UGT1A10: variants seen among roughly 807,000 people sequenced by gnomAD.
The protein encoded by UGT1A10 is UDP glucuronosyltransferase family 1 member A10.
In UGT1A10, 49 loss-of-function variants were observed where a neutral mutation model predicts 45.8. The ratio of observed to expected loss-of-function variants is 1.07; its 90% CI spans 0.85 to 1.36. The LOEUF is 1.36. UGT1A10 is among the 40% of genes most tolerant of loss of function. UGT1A10 has a pLI of 0.00. For missense variants in UGT1A10, 745 were observed against 668.6 expected, an observed-to-expected ratio of 1.11 and a Z score of -1.26; for synonymous variants, 284 against 249.7, an observed-to-expected ratio of 1.14 and a Z score of -1.29.
chr2:233,694,331 C>G (rs2075215181), intron 1 of UGT1A10, among the ~76,000 whole-genome samples: 1 of 151,490 alleles, frequency 6.6e-6, no homozygotes, highest in Non-Finnish European at 1.5e-5. Context: ...TATGTTGAGA[C>G]CTGTTTTTAT....
intron 1 of UGT1A10, among the ~76,000 whole-genome samples, chr2:233,646,575 A>T (rs1190879494): frequency 6.6e-6 from 1 of 152,208 alleles, no homozygotes; most frequent in Non-Finnish European, 1.5e-5. Flanking sequence ...TCTAAGGTTC[A>T]AAGTTCCACA....
intron 1 of UGT1A10, among the ~76,000 whole-genome samples, chr2:233,725,182 A>G (rs1185569328): frequency 3.4e-5 from 3 of 87,630 alleles, no homozygotes; most frequent in African/African-American, 2.7e-4. Flanking sequence ...CCGTGGGGAG[A>G]GGCAGAGGCA....
intron 1 of UGT1A10, chr2:233,690,989 C>G (rs2075024416): frequency 2.0e-6 from 2 of 994,596 alleles, no homozygotes; most frequent in Admixed American, 1.2e-4. Context: ...CACATATGAG[C>G]AACAGGATTT....
In UGT1A10 at chr2:233,767,833, T is replaced by C; in HGVS notation, c.988-16T>C. On this transcript the variant is annotated splice_polypyrimidine_tract_variant and intron_variant, in intron 2 of 4. Transcript: ENST00000344644. ...TATGTTCTTTCTTTACGTTCTGCTC[T>C]TTTTGCCCCTCCCAGGTCCTGTGGC... 2 of 1,614,174 alleles carry C rather than the reference T, an allele frequency of 1.2e-6. No homozygotes were observed. Among genetic ancestry groups the C allele is most frequent in the Non-Finnish European group, 1.7e-6 (2 of 1,180,036 alleles).
intron 1 of UGT1A10, among the ~76,000 whole-genome samples, chr2:233,712,452 G>C (rs1320297061): frequency 1.3e-5 from 2 of 152,216 alleles, no homozygotes; most frequent in African/African-American, 2.4e-5. Flanking sequence ...ACCAAAACCA[G>C]ATAGCCAGCC....
At position 233,728,984 on chromosome 2, in the gene UGT1A10, A is replaced by T. The variant is rs532880751; in HGVS notation, c.856-38050A>T. On this transcript the variant is annotated intron_variant, in intron 1 of 4. Transcript: ENST00000344644. ...AAACAGTGATAGATTAATGGTTAAT[A>T]ATTAACTAGAGGAGGGCACTCTGTC... 6.7e-5 allele frequency: 101 copies of T among 1,514,708 alleles called. 1 individual carries two copies. The South Asian group carries it at 1.2e-3, about 19-fold the overall frequency. The allele number at this position is 1,514,708 out of a possible 1,614,324, so 93.8% of individuals were successfully genotyped here.
At chr2:233,713,260 A>G (rs2076298929) in intron 1 of UGT1A10, 4 of 1,614,086 alleles carry the variant, frequency 2.5e-6, no homozygotes, top group Non-Finnish European at 2.5e-6. Flanking sequence ...GACGAATTTG[A>G]TCGCCTTTTG....
chr2:233,760,979 C>A, intron 1 of UGT1A10: 1 of 1,614,224 alleles, frequency 6.2e-7, no homozygotes, highest in Non-Finnish European at 8.5e-7. Context: ...TCCCCGTATG[C>A]AACCCTTGCC....
chr2:233,655,190 A>G (rs899622342), intron 1 of UGT1A10, among the ~76,000 whole-genome samples: 2 of 152,356 alleles, frequency 1.3e-5, no homozygotes, highest in South Asian at 2.1e-4. Flanking sequence ...TGCTAATTAC[A>G]TGGTCACAAA....
intron 1 of UGT1A10, chr2:233,743,566 G>A (rs532152836): frequency 7.3e-7 from 1 of 1,367,298 alleles, no homozygotes; most frequent in African/African-American, 1.5e-5. Context: ...TCTCCAGCGG[G>A]TTTCCCAAGA....
chr2:233,695,584 C>A (rs28899170), intron 1 of UGT1A10, among the ~76,000 whole-genome samples: 43,733 of 151,366 alleles, frequency 0.29, 6,589 homozygotes, highest in South Asian at 0.36. Context: ...CCCTACTTAC[C>A]CTTTCCACCT....
chr2:233,681,166 C>A (rs886138503), intron 1 of UGT1A10, among the ~76,000 whole-genome samples: 9 of 151,848 alleles, frequency 5.9e-5, no homozygotes, highest in African/African-American at 2.2e-4. Flanking sequence ...GAGGTCAACG[C>A]TAAGACCCTT....
At chr2:233,748,104 T>A in intron 1 of UGT1A10, 2 of 1,612,628 alleles carry the variant, frequency 1.2e-6, no homozygotes, top group Non-Finnish European at 1.7e-6. Flanking sequence ...CTTCATCCAA[T>A]CAATGTTCCA....
At chr2:233,718,748 A>G in intron 1 of UGT1A10, 1 of 1,612,266 alleles carries the variant, frequency 6.2e-7, no homozygotes, top group South Asian at 1.1e-5. Context: ...TGACAAGGTA[A>G]TTAAGGCGAA....
intron 1 of UGT1A10, among the ~76,000 whole-genome samples, chr2:233,734,301 T>TATATACGTATAAATACG (rs2078508917): frequency 6.6e-6 from 1 of 152,170 alleles, no homozygotes; most frequent in Non-Finnish European, 1.5e-5. Context: ...GATTTTCTAG[T>TATATACGTATAAATACG]TTATTTGTGT....
At chr2:233,747,077 T>G (rs1575680795) in intron 1 of UGT1A10, 1 of 1,083,878 alleles carries the variant, frequency 9.2e-7, no homozygotes, top group East Asian at 2.9e-5. Flanking sequence ...AATAATTAAC[T>G]AGGAGGAGAG....
intron 1 of UGT1A10, chr2:233,713,141 C>G (rs3755322): frequency 0.098 from 158,591 of 1,614,032 alleles, 8,806 homozygotes; most frequent in South Asian, 0.2. Flanking sequence ...CCTTGCGGGA[C>G]CTCCATGCGA....
intron 1 of UGT1A10, among the ~76,000 whole-genome samples, chr2:233,651,917 A>G (rs960858188): frequency 3.3e-5 from 5 of 152,202 alleles, no homozygotes; most frequent in Non-Finnish European, 7.3e-5. Context: ...GGGGAATTAC[A>G]TCCAATGCTG....
chr2:233,741,106 A>T (rs1691567607), intron 1 of UGT1A10, among the ~76,000 whole-genome samples: 2 of 151,792 alleles, frequency 1.3e-5, no homozygotes. Context: ...CAGACAATCA[A>T]GCTTTACACT....
Sources: allele counts gnomAD v4.1 joint callset (sites outside exome capture counted in the v4.1 genomes callset), GRCh38; gene constraint gnomAD v4.1.1; transcripts MANE v1.5; gene names NCBI Gene and HGNC (gene_info 2026-07-23, HGNC 2026-07-21).